ZNF609: variants seen among roughly 807,000 people sequenced by gnomAD.
ZNF609 encodes the protein zinc finger protein 609.
In ZNF609, 11 loss-of-function variants were observed where a neutral mutation model predicts 109.5. The observed-to-expected ratio is 0.10, with a 90% CI of 0.06 to 0.17. The LOEUF (loss-of-function observed/expected upper bound fraction) is 0.17. ZNF609 is among the 10% of genes least tolerant of loss of function. The pLI is 1.00. For synonymous variants in ZNF609, 646 were observed against 662.0 expected (o/e 0.98, Z 0.37); for missense variants, 1,559 against 1,772.4 (o/e 0.88, Z 2.16).
Position 64,477,763 on chromosome 15 carries a change from G to A in ZNF609, c.-128+16925G>A, listed in dbSNP as rs147187859. On this transcript the variant is annotated intron_variant, in intron 1 of 9. Transcript: ENST00000326648. ...CCCACCTCAGCCTCCCGACTGGCTGGGATTACAGGCATGCGCCACCGCGCC... is the reference window on the plus strand; with the variant it reads ...CCCACCTCAGCCTCCCGACTGGCTGAGATTACAGGCATGCGCCACCGCGCC... Among the ~76,000 whole-genome samples the A allele has an allele frequency of 8.5e-5, 13 of 152,172 alleles. No individual in the cohort carries two copies. In the East Asian group the frequency reaches 2.5e-3, roughly 29 times the overall value.
At chr15:64,602,003 A>G (rs1308320819) in intron 2 of ZNF609, among the ~76,000 whole-genome samples, 1 of 152,132 alleles carries the variant, frequency 6.6e-6, no homozygotes, top group Non-Finnish European at 1.5e-5. Context: ...TTTATTTTCT[A>G]TCAAAAAAGC....
chr15:64,633,407 A>G (rs1374259678), intron 3 of ZNF609, among the ~76,000 whole-genome samples: 1 of 152,086 alleles, frequency 6.6e-6, no homozygotes, highest in Non-Finnish European at 1.5e-5. Context: ...TCAGCCTGCC[A>G]AAGTGCTAGG....
chr15:64,493,591 CAGAT>C (rs1419623256), intron 1 of ZNF609, among the ~76,000 whole-genome samples: 1 of 152,108 alleles, frequency 6.6e-6, no homozygotes, highest in Non-Finnish European at 1.5e-5. Flanking sequence ...GAACAAAACA[CAGAT>C]AGTACTGACA....
chr15:64,504,127 T>C (rs374516564), intron 2 of ZNF609, among the ~76,000 whole-genome samples: 10 of 152,338 alleles, frequency 6.6e-5, no homozygotes, highest in African/African-American at 1.4e-4. Flanking sequence ...CTCAAGATTT[T>C]CCTTCATGGA....
At chr15:64,587,299 T>A (rs922855040) in intron 2 of ZNF609, among the ~76,000 whole-genome samples, 1 of 152,224 alleles carries the variant, frequency 6.6e-6, no homozygotes, top group South Asian at 2.1e-4. Context: ...CTTTCCATCT[T>A]CCTTTATATA....
rs551544287 is a variant in ZNF609, at chr15:64,632,453, TTTTG to T, written c.973+9412_973+9415del. Among the ~76,000 whole-genome samples, 675 of 152,100 alleles carry T rather than the reference TTTTG, an allele frequency of 4.4e-3. 3 individuals carry two copies. Among genetic ancestry groups the T allele is most frequent in the African/African-American group, 0.013 (547 of 41,500 alleles). ...TTTCAGTGTCTATAAATAAAGGGTT[TTTTG>T]TTTGTTTGTTGTTTTTATTTTATTT... On this transcript the variant is annotated intron_variant, in intron 3 of 9. Transcript: ENST00000326648.
chr15:64,680,860 C>T lies in ZNF609; in HGVS notation c.4160C>T (p.Ala1387Val). The stretch of plus-strand genomic sequence containing the variant: ...GCACAGTACAACTTACCCTATGCAG[C>T]AGGTAAGCCTGTTTTCCCTACCACC... ...LPAQYNLPYA[A>V]GLSSTAIVAS... Residue 1387 changes from alanine to valine, a missense_variant and splice_region_variant, in exon 8 of 10, where the codon GCA (alanine) becomes GTA (valine). Coordinates refer to ENST00000326648, the MANE Select transcript of ZNF609 (RefSeq NM_015042.2). 1 of 1,608,512 alleles carries T rather than the reference C, an allele frequency of 6.2e-7. No individual in the cohort carries two copies. The highest frequency in any genetic ancestry group is 1.1e-5 in the South Asian group (1 of 91,070).
At chr15:64,647,984 T>C (rs1896359418) in intron 3 of ZNF609, among the ~76,000 whole-genome samples, 1 of 152,230 alleles carries the variant, frequency 6.6e-6, no homozygotes, top group South Asian at 2.1e-4. Context: ...TTGCTGCATC[T>C]GTTTCTTTTC....
intron 2 of ZNF609, among the ~76,000 whole-genome samples, chr15:64,620,306 CAGAG>C (rs1895857815): frequency 6.6e-6 from 1 of 152,190 alleles, no homozygotes; most frequent in Admixed American, 6.6e-5. Context: ...AATAGATAAA[CAGAG>C]GTGAGGCCAA....
chr15:64,644,065 G>A (rs1382243286), intron 3 of ZNF609, among the ~76,000 whole-genome samples: 1 of 151,706 alleles, frequency 6.6e-6, no homozygotes, highest in East Asian at 1.9e-4. Flanking sequence ...GATCTTGCCG[G>A]TATACTCTAA....
In ZNF609 at chr15:64,673,859, G is replaced by T. The variant is rs926824378; in HGVS notation, c.1062-57G>T. Reference sequence around the variant, plus strand: ...CAGTTCTGGAGGCTACAGCTAAACTGCTTTGAAGATGTTTTCTCTTCTTAA... The same window carrying T: ...CAGTTCTGGAGGCTACAGCTAAACTTCTTTGAAGATGTTTTCTCTTCTTAA... On this transcript the variant is annotated intron_variant, in intron 4 of 9. Transcript: ENST00000326648. 1.5e-5 allele frequency: 23 copies of T among 1,545,082 alleles called. No individual in the cohort carries two copies. In the African/African-American group the frequency reaches 2.9e-4, roughly 19 times the overall value.
chr15:64,533,059 T>G (rs1894084872), intron 2 of ZNF609, among the ~76,000 whole-genome samples: 1 of 148,490 alleles, frequency 6.7e-6, no homozygotes, highest in African/African-American at 2.5e-5. Context: ...AATTGCTGCT[T>G]TTTTTTTTTT....
In ZNF609 at chr15:64,674,554, C is replaced by G. The variant is rs376474857; in HGVS notation, c.1700C>G (p.Pro567Arg). The G allele has an allele frequency of 1.9e-6, 3 of 1,614,102 alleles. No homozygotes were observed. Among genetic ancestry groups the G allele is most frequent in the Non-Finnish European group, 2.5e-6 (3 of 1,180,020 alleles). The change falls in exon 5 of 10, where the codon CCC becomes CGC. Residue 567 changes from proline to arginine, a missense_variant. Pro to Arg is a moderately radical substitution (Grantham distance 103). Coordinates refer to ENST00000326648, the MANE Select transcript of ZNF609 (RefSeq NM_015042.2). ...TTGTCCCCTGCCCGCTCAGCTACCCCCAAAGTTCGACTTGTAGAGCCCCAT... is the reference window on the plus strand; with the variant it reads ...TTGTCCCCTGCCCGCTCAGCTACCCGCAAAGTTCGACTTGTAGAGCCCCAT... ...GSLSPARSAT[P>R]KVRLVEPHSP...
intron 2 of ZNF609, among the ~76,000 whole-genome samples, chr15:64,608,686 T>A (rs1895652885): frequency 6.6e-6 from 1 of 151,942 alleles, no homozygotes; most frequent in South Asian, 2.1e-4. Context: ...TGTCTCTAAT[T>A]TTATTTCAAA....
At chr15:64,638,224 G>T (rs1197213210) in intron 3 of ZNF609, among the ~76,000 whole-genome samples, 1 of 151,344 alleles carries the variant, frequency 6.6e-6, no homozygotes, top group African/African-American at 2.4e-5. Context: ...AACCTGTGTG[G>T]GTTTATTTAT....
chr15:64,574,855 G>T (rs1272692765), intron 2 of ZNF609, among the ~76,000 whole-genome samples: 1 of 152,166 alleles, frequency 6.6e-6, no homozygotes, highest in African/African-American at 2.4e-5. Context: ...TACTGCTAGG[G>T]ATGGGTGAAC....
intron 2 of ZNF609, among the ~76,000 whole-genome samples, chr15:64,622,603 T>C (rs550359872): frequency 1.3e-5 from 2 of 152,344 alleles, no homozygotes; most frequent in East Asian, 1.9e-4. Flanking sequence ...AAGATCATTA[T>C]ACGCTCATTA....
chr15:64,490,270 TTG>T (rs144251988), intron 1 of ZNF609, among the ~76,000 whole-genome samples: 64,736 of 104,662 alleles, frequency 0.62, 16,641 homozygotes, highest in East Asian at 0.9. Flanking sequence ...CGGCCAGTAG[TTG>T]TTTTTTTTTT....
At chr15:64,552,600 T>C (rs1254401582) in intron 2 of ZNF609, among the ~76,000 whole-genome samples, 1 of 152,256 alleles carries the variant, frequency 6.6e-6, no homozygotes, top group East Asian at 1.9e-4. Flanking sequence ...GCAATCCACC[T>C]GCTTCGGCCT....
Sources: allele counts gnomAD v4.1 joint callset (sites outside exome capture counted in the v4.1 genomes callset), GRCh38; gene constraint gnomAD v4.1.1; transcripts MANE v1.5; gene names NCBI Gene and HGNC (gene_info 2026-07-23, HGNC 2026-07-21).